Variants in USH2A observed in about 807,000 individuals in gnomAD.
USH2A encodes the protein usherin, also known as Usher syndrome 2A (autosomal recessive, mild).
In USH2A, 443 loss-of-function variants were observed where a neutral mutation model predicts 538.9. That is an observed-to-expected ratio of 0.82 (90% CI 0.76 to 0.89). The LOEUF is 0.89. Among genes scored for constraint, USH2A ranks in the 40% least tolerant of loss-of-function variants. The probability of loss-of-function intolerance (pLI) is 0.00; values close to 1 mark genes in which losing one functional copy is unlikely to be tolerated. For synonymous variants in USH2A, 2,413 were observed against 2,273.5 expected (o/e 1.06, Z -1.75); for missense variants, 6,633 against 6,324.8 (o/e 1.05, Z -1.65).
Position 216,199,979 on chromosome 1 carries a change from A to G in USH2A, c.3459T>C (p.Thr1153=), listed in dbSNP as rs1298623759. Residue 1153 remains threonine (T), a synonymous_variant, in exon 17 of 72, where the codon ACT becomes ACC. Transcript: ENST00000307340. ...TKPGVPEGNL[T]LSYIIPIGSD... is the part of the protein sequence containing the mutation. Reference sequence around the variant, plus strand: ...AGCCAATAGGAATGATATAACTTAAAGTCAAGTTTCCCTCTGGGACCCCTG... The same window carrying G: ...AGCCAATAGGAATGATATAACTTAAGGTCAAGTTTCCCTCTGGGACCCCTG... The G allele has an allele frequency of 6.2e-7, 1 of 1,614,112 alleles. No individual in the cohort carries two copies. Among genetic ancestry groups the G allele is most frequent in the Non-Finnish European group, 8.5e-7 (1 of 1,179,990 alleles).
intron 9 of USH2A, among the ~76,000 whole-genome samples, chr1:216,305,536 C>T (rs972397977): frequency 2.6e-5 from 4 of 151,700 alleles, no homozygotes; most frequent in Non-Finnish European, 4.4e-5. Context: ...ATGTGAGATG[C>T]CTTTCTATTC....
intron 4 of USH2A, among the ~76,000 whole-genome samples, chr1:216,344,275 A>G (rs1043458977): frequency 6.6e-6 from 1 of 152,154 alleles, no homozygotes; most frequent in Non-Finnish European, 1.5e-5. Flanking sequence ...AAGAGTCTCC[A>G]CAGCTAGTGT....
At chr1:215,811,217 C>A (rs1366735834) in intron 49 of USH2A, among the ~76,000 whole-genome samples, 2 of 152,214 alleles carry the variant, frequency 1.3e-5, no homozygotes, top group African/African-American at 2.4e-5. Flanking sequence ...TTTCCTGAAA[C>A]AAACTTGCTC....
chr1:216,282,735 T>A (rs78156195), intron 11 of USH2A, among the ~76,000 whole-genome samples: 1,545 of 152,260 alleles, frequency 0.01, 21 homozygotes, highest in African/African-American at 0.035. Context: ...TAGGATCATA[T>A]GGTCAATGTC....
intron 11 of USH2A, among the ~76,000 whole-genome samples, chr1:216,265,733 G>T (rs2036458546): frequency 6.6e-6 from 1 of 151,896 alleles, no homozygotes; most frequent in Non-Finnish European, 1.5e-5. Context: ...AAGCAACATG[G>T]ATTAGCCTAG....
chr1:216,087,058 C>A (rs770809994), intron 23 of USH2A: 2 of 475,884 alleles, frequency 4.2e-6, no homozygotes, highest in Non-Finnish European at 7.8e-6. Context: ...CCATAGGCAC[C>A]CCCTAAGTAC....
At chr1:215,703,747 G>C (rs932536778) in intron 61 of USH2A, among the ~76,000 whole-genome samples, 1 of 152,162 alleles carries the variant, frequency 6.6e-6, no homozygotes, top group African/African-American at 2.4e-5. Flanking sequence ...AGCTTGCTGG[G>C]CTCCATGGGG....
intron 21 of USH2A, among the ~76,000 whole-genome samples, chr1:216,125,058 G>A (rs1026449501): frequency 6.6e-6 from 1 of 152,038 alleles, no homozygotes; most frequent in African/African-American, 2.4e-5. Flanking sequence ...ATCTATCAGT[G>A]ATTCAATATG....
intron 35 of USH2A, 37 bp from the exon 36 acceptor site, chr1:215,970,813 A>G (rs750310332): frequency 6.2e-7 from 1 of 1,603,854 alleles, no homozygotes; most frequent in Non-Finnish European, 8.5e-7. Flanking sequence ...TATGACTACT[A>G]GACAATAGCA....
At chr1:216,084,146 T>A (rs2032041666) in intron 25 of USH2A, among the ~76,000 whole-genome samples, 1 of 151,974 alleles carries the variant, frequency 6.6e-6, no homozygotes, top group Admixed American at 6.6e-5. Flanking sequence ...AGACTCAATG[T>A]GCATGCATGT....
At chr1:215,970,449 A>G (rs1667464396) in intron 36 of USH2A, among the ~76,000 whole-genome samples, 176 bp downstream of exon 36, 1 of 152,160 alleles carries the variant, frequency 6.6e-6, no homozygotes, top group Non-Finnish European at 1.5e-5. Flanking sequence ...CTTGAAATTT[A>G]TGTCGAATAT....
intron 64 of USH2A, among the ~76,000 whole-genome samples, chr1:215,667,091 A>G (rs536052356): frequency 6.6e-6 from 1 of 152,172 alleles, no homozygotes; most frequent in East Asian, 1.9e-4. Flanking sequence ...TGCCATCTCA[A>G]AAAAAGAAAA....
chr1:216,008,348 T>C (rs141085279), intron 32 of USH2A, among the ~76,000 whole-genome samples: 3,819 of 151,968 alleles, frequency 0.025, 154 homozygotes, highest in African/African-American at 0.085. Context: ...CTGAGTACCT[T>C]GTGACCCCCA....
At chr1:215,681,059 T>C (rs1658211477) in intron 61 of USH2A, among the ~76,000 whole-genome samples, 1 of 152,180 alleles carries the variant, frequency 6.6e-6, no homozygotes, top group Non-Finnish European at 1.5e-5. Flanking sequence ...AAAGTAATTG[T>C]TAGCTAGGCT....
intron 19 of USH2A, among the ~76,000 whole-genome samples, chr1:216,191,749 T>C (rs977000992): frequency 1.3e-5 from 2 of 151,932 alleles, no homozygotes; most frequent in African/African-American, 4.8e-5. Flanking sequence ...TAGATTTCAA[T>C]GTAAATTTTT....
intron 32 of USH2A, among the ~76,000 whole-genome samples, chr1:216,021,878 C>T (rs1470011186): frequency 6.6e-6 from 1 of 152,042 alleles, no homozygotes; most frequent in Admixed American, 6.6e-5. Flanking sequence ...CAATTTGATC[C>T]CCAACATTGA....
intron 3 of USH2A, among the ~76,000 whole-genome samples, chr1:216,376,457 C>G (rs1472428618): frequency 6.7e-6 from 1 of 148,490 alleles, no homozygotes; most frequent in Non-Finnish European, 1.5e-5. Context: ...TTACTCCAAG[C>G]CTTCTATTGA....
chr1:216,303,566 A>G (rs899335335), intron 9 of USH2A, among the ~76,000 whole-genome samples: 2 of 151,962 alleles, frequency 1.3e-5, no homozygotes, highest in African/African-American at 2.4e-5. Flanking sequence ...ATTAGACTTG[A>G]TTACTACATT....
intron 12 of USH2A, among the ~76,000 whole-genome samples, chr1:216,249,043 A>G (rs2036106837): frequency 6.6e-6 from 1 of 152,102 alleles, no homozygotes; most frequent in African/African-American, 2.4e-5. Context: ...TCTGAAGCGT[A>G]TACAACATAC....
Sources: allele counts gnomAD v4.1 joint callset (sites outside exome capture counted in the v4.1 genomes callset), GRCh38; gene constraint gnomAD v4.1.1; transcripts MANE v1.5; gene names NCBI Gene and HGNC (gene_info 2026-07-23, HGNC 2026-07-21).